Variants in DENND1A observed in about 807,000 individuals in gnomAD.
DENND1A encodes DENN domain-containing protein 1A.
DENND1A carries 51 observed loss-of-function variants against 113.7 expected under a neutral mutation model. The observed-to-expected ratio is 0.45, with a 90% confidence interval of 0.36 to 0.57. DENND1A has a LOEUF of 0.57. Ranked by LOEUF, DENND1A falls within the 20% of genes least tolerant of loss-of-function variation. The pLI, the probability that DENND1A is intolerant of heterozygous loss-of-function variation, is 0.00. For synonymous variants in DENND1A, 565 were observed against 570.8 expected (o/e 0.99, Z 0.14); for missense variants, 1,258 against 1,395.9 (o/e 0.90, Z 1.57).
intron 2 of DENND1A, among the ~76,000 whole-genome samples, chr9:123,861,739 C>T (rs1845082128): frequency 6.6e-6 from 1 of 152,118 alleles, no homozygotes; most frequent in South Asian, 2.1e-4. Context: ...TGTCAAGCTC[C>T]TTTAAAAAAT....
At chr9:123,701,030 C>T (rs1027304234) in intron 5 of DENND1A, among the ~76,000 whole-genome samples, 5 of 152,144 alleles carry the variant, frequency 3.3e-5, no homozygotes, top group African/African-American at 1.2e-4. Flanking sequence ...CCTCACACTA[C>T]ATACAAAAAT....
intron 1 of DENND1A, among the ~76,000 whole-genome samples, chr9:123,920,547 T>C (rs768363726): frequency 3.3e-5 from 5 of 152,124 alleles, no homozygotes; most frequent in Non-Finnish European, 7.4e-5. Flanking sequence ...ATATTTATGA[T>C]AAAGGGAACA....
intron 6 of DENND1A, among the ~76,000 whole-genome samples, chr9:123,672,580 G>T (rs971046778): frequency 6.6e-6 from 1 of 152,176 alleles, no homozygotes; most frequent in Non-Finnish European, 1.5e-5. Context: ...AAATATCATT[G>T]TAACAGTATT....
intron 19 of DENND1A, among the ~76,000 whole-genome samples, chr9:123,419,450 A>G (rs1368667970): frequency 6.6e-6 from 1 of 152,262 alleles, no homozygotes; most frequent in Non-Finnish European, 1.5e-5. Flanking sequence ...ATACGTGGCC[A>G]GGAATGGAGA....
At chr9:123,490,528 A>G (rs1209062862) in intron 13 of DENND1A, among the ~76,000 whole-genome samples, 1 of 152,074 alleles carries the variant, frequency 6.6e-6, no homozygotes, top group African/African-American at 2.4e-5. Flanking sequence ...GACAGAGGTT[A>G]TAGTGAGCCA....
At chr9:123,627,612 C>T (rs887851811) in intron 10 of DENND1A, among the ~76,000 whole-genome samples, 6 of 151,924 alleles carry the variant, frequency 3.9e-5, no homozygotes, top group South Asian at 2.1e-4. Flanking sequence ...TGATGGTACG[C>T]GCCTGTAATC....
intron 13 of DENND1A, among the ~76,000 whole-genome samples, chr9:123,459,229 T>G (rs1432866927): frequency 6.6e-6 from 1 of 152,146 alleles, no homozygotes; most frequent in Non-Finnish European, 1.5e-5. Flanking sequence ...AATGCAGAGA[T>G]CAGCTGCTCT....
chr9:123,391,791 C>T, intron 21 of DENND1A, among the ~76,000 whole-genome samples: 1 of 138,612 alleles, frequency 7.2e-6, no homozygotes, highest in East Asian at 2.1e-4. Context: ...GCACCTTTTC[C>T]CTCATTAACC....
intron 19 of DENND1A, among the ~76,000 whole-genome samples, chr9:123,430,965 T>C (rs1445647293): frequency 1.3e-5 from 2 of 152,100 alleles, no homozygotes; most frequent in Non-Finnish European, 2.9e-5. Flanking sequence ...ATCATGCCAC[T>C]GCACTCTAGC....
At chr9:123,621,499 T>C (rs1360994580) in intron 10 of DENND1A, among the ~76,000 whole-genome samples, 1 of 152,142 alleles carries the variant, frequency 6.6e-6, no homozygotes, top group African/African-American at 2.4e-5. Context: ...TTGAAATTCT[T>C]AGCACCAGAG....
At chr9:123,452,447 G>T in intron 16 of DENND1A, 100 bp from the exon 17 acceptor site, 2 of 972,192 alleles carry the variant, frequency 2.1e-6, no homozygotes, top group Non-Finnish European at 3.3e-6. Context: ...ACATTTCAAA[G>T]GTATGTAAAT....
intron 2 of DENND1A, among the ~76,000 whole-genome samples, chr9:123,809,818 G>C (rs1172109021): frequency 6.6e-6 from 1 of 152,036 alleles, no homozygotes; most frequent in Non-Finnish European, 1.5e-5. Flanking sequence ...TTACAGGCAT[G>C]CACCACCCTG....
chr9:123,871,762 G>A (rs1013371649), intron 2 of DENND1A, among the ~76,000 whole-genome samples: 2 of 151,964 alleles, frequency 1.3e-5, no homozygotes, highest in African/African-American at 4.8e-5. Context: ...TGGCCATTGG[G>A]CTAATGCACT....
intron 5 of DENND1A, among the ~76,000 whole-genome samples, chr9:123,685,116 C>T (rs542580656): frequency 6.6e-6 from 1 of 152,358 alleles, no homozygotes; most frequent in South Asian, 2.1e-4. Context: ...TCTACCCTCA[C>T]ATGGTTCTTT....
intron 8 of DENND1A, among the ~76,000 whole-genome samples, chr9:123,666,527 C>T (rs2063499786): frequency 6.6e-6 from 1 of 152,120 alleles, no homozygotes; most frequent in South Asian, 2.1e-4. Flanking sequence ...TTGAGTAGAT[C>T]TACCCTAATA....
chr9:123,903,758 C>G (rs1183916705), intron 1 of DENND1A, among the ~76,000 whole-genome samples: 1 of 152,212 alleles, frequency 6.6e-6, no homozygotes, highest in East Asian at 1.9e-4. Context: ...GCACAGCAGT[C>G]TGAGATCAAA....
chr9:123,487,728 G>C (rs551014216), intron 13 of DENND1A, among the ~76,000 whole-genome samples: 36 of 152,050 alleles, frequency 2.4e-4, no homozygotes, highest in African/African-American at 7.0e-4. Flanking sequence ...AGCTTTAAAA[G>C]AATTGAAAAA....
chr9:123,806,596 G>A (rs557325785), intron 2 of DENND1A, among the ~76,000 whole-genome samples: 13 of 152,246 alleles, frequency 8.5e-5, no homozygotes, highest in Middle Eastern at 6.8e-3. Flanking sequence ...AACATGTTCA[G>A]AGTAACTTGT....
At chr9:123,527,678 C>T (rs1349580680) in intron 13 of DENND1A, among the ~76,000 whole-genome samples, 1 of 152,194 alleles carries the variant, frequency 6.6e-6, no homozygotes, top group Non-Finnish European at 1.5e-5. Flanking sequence ...ATAACTGCCT[C>T]TATGCTTGTC....
Sources: gnomAD v4.1 joint callset for allele counts (sites outside exome capture counted in the v4.1 genomes callset) on GRCh38, gnomAD v4.1.1 for gene constraint, MANE v1.5 for transcripts, NCBI Gene and HGNC (gene_info 2026-07-23, HGNC 2026-07-21) for gene names.